Variants in RBFOX1 observed in about 807,000 individuals in gnomAD.
The protein encoded by RBFOX1 is RNA binding fox-1 homolog 1.
In RBFOX1, 8 loss-of-function variants were observed where a neutral mutation model predicts 57.7. The ratio of observed to expected loss-of-function variants is 0.14; its 90% CI spans 0.08 to 0.25. The LOEUF (loss-of-function observed/expected upper bound fraction) is 0.25, where lower values mean the gene tolerates loss of function less well. RBFOX1 is among the 10% of genes least tolerant of loss of function. RBFOX1 has a pLI of 1.00. For missense variants in RBFOX1, 611 were observed against 548.5 expected (o/e 1.11, Z -1.14); for synonymous variants, 326 against 222.4 (o/e 1.47, Z -4.15).
At chr16:7,296,536 T>A (rs2095895182) in intron 4 of RBFOX1, among the ~76,000 whole-genome samples, 1 of 152,186 alleles carries the variant, frequency 6.6e-6, no homozygotes, top group South Asian at 2.1e-4. Context: ...TGAAAAAAAC[T>A]AAGGCTCGGA....
At chr16:6,607,075 C>A (rs147425487) in intron 2 of RBFOX1, among the ~76,000 whole-genome samples, 1 of 152,098 alleles carries the variant, frequency 6.6e-6, no homozygotes, top group Non-Finnish European at 1.5e-5. Flanking sequence ...TTTAATATAC[C>A]TGAGGCTGCT....
intron 2 of RBFOX1, among the ~76,000 whole-genome samples, chr16:6,518,234 C>G (rs1343260160): frequency 6.6e-6 from 1 of 152,208 alleles, no homozygotes; most frequent in South Asian, 2.1e-4. Context: ...TTGTCTGGGC[C>G]AAACACCATG....
At chr16:5,537,352 T>G (rs1301395167) in intron 2 of RBFOX1, among the ~76,000 whole-genome samples, 1 of 152,174 alleles carries the variant, frequency 6.6e-6, no homozygotes, top group Admixed American at 6.6e-5. Flanking sequence ...GGAAGCGAAA[T>G]AGGTATTAGT....
chr16:7,469,547 G>C (rs1039416776), intron 4 of RBFOX1, among the ~76,000 whole-genome samples: 1 of 152,018 alleles, frequency 6.6e-6, no homozygotes, highest in Non-Finnish European at 1.5e-5. Context: ...TTAAAATAAT[G>C]CATATTTTAT....
At chr16:6,508,614 C>G (rs982182644) in intron 2 of RBFOX1, among the ~76,000 whole-genome samples, 7 of 152,106 alleles carry the variant, frequency 4.6e-5, no homozygotes. Context: ...TTTCCTATTG[C>G]TGTTTCTTCT....
intron 4 of RBFOX1, among the ~76,000 whole-genome samples, chr16:7,498,038 G>C (rs1284029473): frequency 1.3e-5 from 2 of 152,298 alleles, no homozygotes; most frequent in African/African-American, 4.8e-5. Flanking sequence ...TCTGAGCCTT[G>C]GGAGCTTTGT....
intron 3 of RBFOX1, among the ~76,000 whole-genome samples, chr16:6,805,101 C>G (rs540070739): frequency 7.2e-5 from 11 of 152,256 alleles, no homozygotes; most frequent in Non-Finnish European, 1.2e-4. Flanking sequence ...TGAATGTTCA[C>G]TGCAGCATTA....
intron 14 of RBFOX1, among the ~76,000 whole-genome samples, chr16:7,702,211 T>G (rs1464538495): frequency 6.6e-6 from 1 of 152,246 alleles, no homozygotes; most frequent in Non-Finnish European, 1.5e-5. Context: ...TTTATTGGCA[T>G]GAAGATAAGA....
intron 2 of RBFOX1, among the ~76,000 whole-genome samples, chr16:5,549,628 T>G (rs1256027487): frequency 6.6e-6 from 1 of 152,146 alleles, no homozygotes; most frequent in African/African-American, 2.4e-5. Flanking sequence ...AAAAATTGGG[T>G]TGGGGCACAG....
intron 4 of RBFOX1, among the ~76,000 whole-genome samples, chr16:6,009,855 C>G (rs756009572): frequency 6.9e-5 from 6 of 86,508 alleles, no homozygotes; most frequent in Non-Finnish European, 1.1e-4. Flanking sequence ...TTTGAAAATT[C>G]AGATTCCCAT....
intron 4 of RBFOX1, among the ~76,000 whole-genome samples, chr16:7,225,627 C>T (rs1232122116): frequency 6.6e-6 from 1 of 151,454 alleles, no homozygotes; most frequent in African/African-American, 2.4e-5. Context: ...GATAACTAAG[C>T]TGTGGTGGCA....
intron 4 of RBFOX1, among the ~76,000 whole-genome samples, chr16:5,902,768 C>G (rs1383495231): frequency 1.3e-5 from 2 of 152,078 alleles, no homozygotes; most frequent in African/African-American, 4.8e-5. Context: ...TTCTATCCAC[C>G]CTCCTTTTTT....
At chr16:6,517,220 G>C (rs894518949) in intron 2 of RBFOX1, among the ~76,000 whole-genome samples, 2 of 152,046 alleles carry the variant, frequency 1.3e-5, no homozygotes, top group Non-Finnish European at 2.9e-5. Context: ...ATGATATATG[G>C]CCTTCCCCTG....
chr16:7,209,188 T>C (rs925867718), intron 4 of RBFOX1, among the ~76,000 whole-genome samples: 1 of 146,358 alleles, frequency 6.8e-6, no homozygotes, highest in Admixed American at 6.8e-5. Context: ...TAATAATAAT[T>C]GCAGGGTGTG....
At chr16:6,603,069 T>G (rs771373114) in intron 2 of RBFOX1, among the ~76,000 whole-genome samples, 12 of 152,174 alleles carry the variant, frequency 7.9e-5, no homozygotes, top group Non-Finnish European at 1.2e-4. Context: ...TTCATCCTAG[T>G]AGCAAAAAAA....
intron 13 of RBFOX1, among the ~76,000 whole-genome samples, chr16:7,667,669 T>G (rs1422653489): frequency 9.0e-6 from 1 of 111,552 alleles, no homozygotes; most frequent in African/African-American, 3.4e-5. Context: ...TCGAATAGAT[T>G]TAAACCTCTT....
chr16:5,923,941 C>A (rs1030066695), intron 4 of RBFOX1, among the ~76,000 whole-genome samples: 5 of 152,138 alleles, frequency 3.3e-5, no homozygotes, highest in Admixed American at 3.3e-4. Context: ...TGTCTCCACA[C>A]AAAATCTCAT....
At position 7,405,184 on chromosome 16, in the gene RBFOX1, C is replaced by G. The variant is rs192023132; in HGVS notation, c.28-112963C>G. ...TTATTTCCTCATTCTAGCAAGAAAGCTCTTGACGATACAGCAGTGTTTGTT... is the reference window on the plus strand; with the variant it reads ...TTATTTCCTCATTCTAGCAAGAAAGGTCTTGACGATACAGCAGTGTTTGTT... On this transcript the variant is annotated intron_variant, in intron 4 of 15. Transcript: ENST00000550418. Among the ~76,000 whole-genome samples the G allele has an allele frequency of 3.2e-3, 486 of 152,298 alleles. 2 individuals carry two copies. Among genetic ancestry groups the G allele is most frequent in the Non-Finnish European group, 5.7e-3 (389 of 68,018 alleles).
At chr16:6,699,534 G>C (rs993796935) in intron 3 of RBFOX1, among the ~76,000 whole-genome samples, 5 of 152,178 alleles carry the variant, frequency 3.3e-5, no homozygotes, top group Non-Finnish European at 7.3e-5. Flanking sequence ...AACGCTGACT[G>C]GTTGGGCACT....
Sources: allele counts gnomAD v4.1 joint callset (sites outside exome capture counted in the v4.1 genomes callset), GRCh38; gene constraint gnomAD v4.1.1; transcripts MANE v1.5; gene names NCBI Gene and HGNC (gene_info 2026-07-23, HGNC 2026-07-21).